Variants in KCNQ5 observed in about 807,000 individuals in gnomAD.
KCNQ5 encodes the protein potassium voltage-gated channel subfamily KQT member 5.
In KCNQ5, 30 loss-of-function variants were observed where a neutral mutation model predicts 98.2. That is an observed-to-expected ratio of 0.31 (90% CI 0.23 to 0.41). The LOEUF (loss-of-function observed/expected upper bound fraction) is 0.41, where lower values mean the gene tolerates loss of function less well. Ranked by LOEUF, KCNQ5 falls within the 10% of genes least tolerant of loss-of-function variation. KCNQ5 has a pLI of 1.00. For synonymous variants in KCNQ5, 458 were observed against 449.4 expected, an observed-to-expected ratio of 1.02 and a Z score of -0.24; for missense variants, 835 against 1,182.5, an observed-to-expected ratio of 0.71 and a Z score of 4.31.
chr6:72,688,274 G>C (rs1582116915), intron 1 of KCNQ5, among the ~76,000 whole-genome samples: 1 of 152,128 alleles, frequency 6.6e-6, no homozygotes, highest in East Asian at 1.9e-4. Context: ...GGCTCTTCAA[G>C]ATTTCCCAGG....
At chr6:72,738,926 A>T (rs1770989728) in intron 1 of KCNQ5, among the ~76,000 whole-genome samples, 1 of 152,300 alleles carries the variant, frequency 6.6e-6, no homozygotes, top group Admixed American at 6.5e-5. Context: ...CAGAACCCGG[A>T]GGATTTTTAG....
At chr6:73,017,163 C>T (rs1296956998) in intron 2 of KCNQ5, among the ~76,000 whole-genome samples, 3 of 152,164 alleles carry the variant, frequency 2.0e-5, no homozygotes, top group Admixed American at 2.0e-4. Flanking sequence ...AGGCATCGCC[C>T]TGCCCTGGAA....
chr6:72,858,110 G>A lies in KCNQ5; in HGVS notation c.399-145798G>A, dbSNP rs944784438. 2.6e-5 allele frequency among the ~76,000 whole-genome samples: 4 copies of A among 152,300 alleles called. No individual in the cohort carries two copies. The East Asian group carries it at 7.7e-4, about 29-fold the overall frequency. On this transcript the variant is annotated intron_variant, in intron 1 of 13. Transcript: ENST00000370398. Reference sequence around the variant, plus strand: ...AAAGCAGAATTTGAGCTGAATCATAGCTAGTAGAACTATATATGGAGTACA... The same window carrying A: ...AAAGCAGAATTTGAGCTGAATCATAACTAGTAGAACTATATATGGAGTACA...
At chr6:72,943,705 T>C (rs1028347459) in intron 1 of KCNQ5, among the ~76,000 whole-genome samples, 2 of 152,208 alleles carry the variant, frequency 1.3e-5, no homozygotes, top group African/African-American at 4.8e-5. Flanking sequence ...AACCTTAGTT[T>C]CAATAGCTAC....
rs563000485 is a variant in KCNQ5 at position 72,976,370 on chromosome 6, A to T, written c.399-27538A>T. 3.7e-4 allele frequency among the ~76,000 whole-genome samples: 56 copies of T among 152,348 alleles called. No individual in the cohort carries two copies. The South Asian group carries it at 6.8e-3, about 19-fold the overall frequency. On this transcript the variant is annotated intron_variant, in intron 1 of 13. Transcript: ENST00000370398. ...TCATAGCTCACTTTCTTGCATAAAC[A>T]GAGCCTTCCAAACAAAGCATGGAAA...
intron 1 of KCNQ5, among the ~76,000 whole-genome samples, chr6:72,850,141 A>G (rs1019696306): frequency 1.5e-4 from 23 of 152,150 alleles, no homozygotes; most frequent in Non-Finnish European, 2.1e-4. Context: ...TAGAAGAATA[A>G]GTTTGTATGA....
At chr6:72,670,621 C>T (rs1767055016) in intron 1 of KCNQ5, among the ~76,000 whole-genome samples, 1 of 152,158 alleles carries the variant, frequency 6.6e-6, no homozygotes, top group Non-Finnish European at 1.5e-5. Flanking sequence ...TATTTTCTCA[C>T]AGTTCTGGAT....
At chr6:72,792,067 T>C (rs1205340361) in intron 1 of KCNQ5, among the ~76,000 whole-genome samples, 2 of 152,234 alleles carry the variant, frequency 1.3e-5, no homozygotes, top group African/African-American at 4.8e-5. Flanking sequence ...TTGGATGCCA[T>C]GAGTGTAAAA....
At chr6:73,185,352 T>C (rs1283910216) in intron 11 of KCNQ5, among the ~76,000 whole-genome samples, 1 of 152,060 alleles carries the variant, frequency 6.6e-6, no homozygotes, top group East Asian at 1.9e-4. Context: ...TGGTTAATTT[T>C]TTATTCTTTG....
At chr6:72,911,709 G>A (rs1161442417) in intron 1 of KCNQ5, among the ~76,000 whole-genome samples, 1 of 152,140 alleles carries the variant, frequency 6.6e-6, no homozygotes, top group African/African-American at 2.4e-5. Context: ...CATGGTAGCT[G>A]TCAGTGAGTG....
intron 1 of KCNQ5, among the ~76,000 whole-genome samples, chr6:72,910,486 T>C (rs957923681): frequency 6.6e-6 from 1 of 151,952 alleles, no homozygotes. Context: ...TTCACCCGAT[T>C]AGCCATTAGT....
At chr6:73,098,904 A>G (rs1339204645) in intron 5 of KCNQ5, among the ~76,000 whole-genome samples, 1 of 151,004 alleles carries the variant, frequency 6.6e-6, no homozygotes, top group Non-Finnish European at 1.5e-5. Context: ...GTAGAAAGAC[A>G]AAAAGATGAA....
chr6:73,175,988 G>A (rs1350999129), intron 11 of KCNQ5, among the ~76,000 whole-genome samples: 7 of 152,238 alleles, frequency 4.6e-5, no homozygotes. Flanking sequence ...AGAAGCAGAA[G>A]TGAAGGTGGC....
At chr6:72,836,776 A>C (rs1418370546) in intron 1 of KCNQ5, among the ~76,000 whole-genome samples, 1 of 152,208 alleles carries the variant, frequency 6.6e-6, no homozygotes, top group Non-Finnish European at 1.5e-5. Context: ...TGTCTATACA[A>C]GGTAATTTAT....
intron 1 of KCNQ5, among the ~76,000 whole-genome samples, chr6:72,884,084 T>A (rs1420192841): frequency 6.6e-6 from 1 of 152,332 alleles, no homozygotes; most frequent in East Asian, 1.9e-4. Context: ...ATCAAGTAGA[T>A]CTTCAAAGAT....
intron 1 of KCNQ5, among the ~76,000 whole-genome samples, chr6:72,645,949 T>C (rs953808105): frequency 6.6e-6 from 1 of 152,134 alleles, no homozygotes; most frequent in African/African-American, 2.4e-5. Flanking sequence ...TGTAGAGATT[T>C]CCACTTCCCC....
In KCNQ5 at chr6:72,760,857, G is replaced by C. The variant is rs78801615; in HGVS notation, c.398+138270G>C. Among the ~76,000 whole-genome samples, 528 of 152,164 alleles carry C rather than the reference G, an allele frequency of 3.5e-3. 4 individuals carry two copies. Among genetic ancestry groups the C allele is most frequent in the African/African-American group, 0.012 (494 of 41,532 alleles). Reference sequence around the variant, plus strand: ...AATAAAAAATTTTCGCAAGGAATGCGTTAGTTAAGAAAAAAAAGTACCACC... The same window carrying C: ...AATAAAAAATTTTCGCAAGGAATGCCTTAGTTAAGAAAAAAAAGTACCACC... On this transcript the variant is annotated intron_variant, in intron 1 of 13. Coordinates refer to ENST00000370398, the MANE Select transcript of KCNQ5 (RefSeq NM_019842.4).
At chr6:73,013,502 A>C (rs994077315) in intron 2 of KCNQ5, among the ~76,000 whole-genome samples, 2 of 152,158 alleles carry the variant, frequency 1.3e-5, no homozygotes, top group African/African-American at 4.8e-5. Flanking sequence ...TGGTGATTCC[A>C]TCAAAAATGA....
chr6:73,118,552 G>C (rs1775604037), intron 7 of KCNQ5, among the ~76,000 whole-genome samples: 1 of 152,140 alleles, frequency 6.6e-6, no homozygotes, highest in Non-Finnish European at 1.5e-5. Context: ...TAAATGTTCA[G>C]CTTTCATAGA....
Sources: gnomAD v4.1 joint callset for allele counts (sites outside exome capture counted in the v4.1 genomes callset) on GRCh38, gnomAD v4.1.1 for gene constraint, MANE v1.5 for transcripts, NCBI Gene and HGNC (gene_info 2026-07-23, HGNC 2026-07-21) for gene names.